DOCK5: variants seen among roughly 807,000 people sequenced by gnomAD.
DOCK5 encodes dedicator of cytokinesis protein 5.
DOCK5 carries 142 observed loss-of-function variants against 251.8 expected under a neutral mutation model. The observed-to-expected ratio is 0.56, with a 90% CI of 0.49 to 0.65. The LOEUF (loss-of-function observed/expected upper bound fraction) is 0.65, where lower values mean the gene tolerates loss of function less well. Ranked by LOEUF, DOCK5 falls within the 30% of genes least tolerant of loss-of-function variation. DOCK5 has a pLI of 0.00. For missense variants in DOCK5, 2,111 were observed against 2,312.3 expected, an observed-to-expected ratio of 0.91 and a Z score of 1.79; for synonymous variants, 842 against 835.5, an observed-to-expected ratio of 1.01 and a Z score of -0.13.
intron 9 of DOCK5, among the ~76,000 whole-genome samples, 195 bp from the exon 10 acceptor site, chr8:25,302,130 A>G (rs1804781805): frequency 6.6e-6 from 1 of 152,226 alleles, no homozygotes; most frequent in South Asian, 2.1e-4. Context: ...GCACTTGTTT[A>G]CAAGCACAAA....
chr8:25,343,310 CACTTG>C (rs1800289282), intron 25 of DOCK5, among the ~76,000 whole-genome samples: 1 of 152,162 alleles, frequency 6.6e-6, no homozygotes, highest in Non-Finnish European at 1.5e-5. Context: ...GCCCAGTCAG[CACTTG>C]ACTTTTCTTT....
At chr8:25,222,440 G>A (rs967195330) in intron 1 of DOCK5, among the ~76,000 whole-genome samples, 15 of 152,206 alleles carry the variant, frequency 9.9e-5, no homozygotes, top group African/African-American at 3.1e-4. Flanking sequence ...GGCCTGAACC[G>A]GCCCCTGACT....
intron 46 of DOCK5, 68 bp downstream of exon 46, chr8:25,400,062 C>T (rs1235458824): frequency 3.1e-6 from 4 of 1,295,072 alleles, no homozygotes; most frequent in Middle Eastern, 1.8e-4. Context: ...TTCTCCAGGG[C>T]TTAAGTCTAC....
At chr8:25,195,694 G>T (rs1200059070) in intron 1 of DOCK5, among the ~76,000 whole-genome samples, 1 of 152,194 alleles carries the variant, frequency 6.6e-6, no homozygotes, top group Non-Finnish European at 1.5e-5. Flanking sequence ...CCTGCTTAGA[G>T]AGAGCCTTCT....
At chr8:25,342,554 A>G (rs1387103002) in intron 25 of DOCK5, 47 bp downstream of exon 25, 8 of 1,344,028 alleles carry the variant, frequency 6.0e-6, no homozygotes, top group African/African-American at 1.5e-5. Flanking sequence ...GTGAGCTGAG[A>G]TTGCACCATT....
intron 7 of DOCK5, among the ~76,000 whole-genome samples, chr8:25,297,270 AT>A (rs1311282663): frequency 5.5e-3 from 626 of 113,042 alleles, no homozygotes; most frequent in Middle Eastern, 0.021. Context: ...AATTTTTGTA[AT>A]TTTTTTTTTT....
At chr8:25,371,709 C>A (rs1265994840) in intron 34 of DOCK5, among the ~76,000 whole-genome samples, 1 of 152,168 alleles carries the variant, frequency 6.6e-6, no homozygotes. Flanking sequence ...ACATGATATG[C>A]TACTTTTTTA....
chr8:25,410,994 C>T (rs1337432992), intron 51 of DOCK5, among the ~76,000 whole-genome samples, 200 bp from the exon 52 acceptor site: 3 of 58,526 alleles, frequency 5.1e-5, no homozygotes, highest in Admixed American at 1.8e-4. Context: ...CACGCACGCA[C>T]GCACGCACGC....
rs1469907315 is a variant in DOCK5, at chr8:25,184,786, A to C, written c.-123A>C. On this transcript the variant is annotated 5_prime_UTR_variant, in exon 1 of 52. Transcript: ENST00000276440. ...GGCGAGGAGGCGGCCCGCGGAGTCCAGCGAAGTTTGGCGGAACATGGCGGA... is the reference window on the plus strand; with the variant it reads ...GGCGAGGAGGCGGCCCGCGGAGTCCCGCGAAGTTTGGCGGAACATGGCGGA... The C allele has an allele frequency of 1.4e-5, 13 of 954,994 alleles. No individual in the cohort carries two copies. Among genetic ancestry groups the C allele is most frequent in the African/African-American group, 5.2e-5 (3 of 58,126 alleles). 59.2% of individuals were successfully genotyped at this position (954,994 alleles called of 1,614,324 possible). A position where few individuals can be genotyped will look rare whatever the true frequency, so the allele number is the denominator to read the frequency against.
intron 41 of DOCK5, among the ~76,000 whole-genome samples, chr8:25,389,491 G>A (rs1038946869): frequency 3.3e-5 from 5 of 152,204 alleles, no homozygotes; most frequent in Non-Finnish European, 5.9e-5. Context: ...GGGAGCTTAA[G>A]TGGAATATAT....
chr8:25,294,814 C>T (rs1804577394), intron 6 of DOCK5, among the ~76,000 whole-genome samples: 4 of 152,132 alleles, frequency 2.6e-5, no homozygotes, highest in Admixed American at 2.6e-4. Flanking sequence ...ACAATCATGG[C>T]AGAAGGGGAA....
At chr8:25,323,408 A>G (rs1027336427) in intron 16 of DOCK5, among the ~76,000 whole-genome samples, 8 of 152,218 alleles carry the variant, frequency 5.3e-5, no homozygotes, top group African/African-American at 1.9e-4. Context: ...ACCTCATTCC[A>G]ACATAGAGAA....
At chr8:25,244,965 A>G (rs1222947805) in intron 2 of DOCK5, among the ~76,000 whole-genome samples, 1 of 152,202 alleles carries the variant, frequency 6.6e-6, no homozygotes, top group Non-Finnish European at 1.5e-5. Context: ...CAGCCAAAGC[A>G]TCAATTCAAA....
chr8:25,224,973 C>T (rs192768158), intron 1 of DOCK5, among the ~76,000 whole-genome samples: 257 of 152,184 alleles, frequency 1.7e-3, no homozygotes, highest in Non-Finnish European at 3.0e-3. Flanking sequence ...TAAATGGCCA[C>T]GAGCATATGA....
chr8:25,260,901 T>A (rs531543617), intron 2 of DOCK5, among the ~76,000 whole-genome samples: 7 of 152,040 alleles, frequency 4.6e-5, no homozygotes, highest in African/African-American at 1.2e-4. Context: ...GCTCAAGAGA[T>A]CCTCTGACCT....
At chr8:25,232,614 G>A (rs1802699332) in intron 1 of DOCK5, among the ~76,000 whole-genome samples, 1 of 152,048 alleles carries the variant, frequency 6.6e-6, no homozygotes, top group Non-Finnish European at 1.5e-5. Context: ...TCCTTGCATG[G>A]TACAAAAAGG....
rs551315048 is a variant in DOCK5, at chr8:25,415,700, A to G, written c.*4402A>G. ...TTTATTTTTTAAATTAAAAATGGAA[A>G]TGTATTTTAAAGTTTATTGTGTGTT... is the stretch of plus-strand genomic sequence containing the variant. On this transcript the variant is annotated 3_prime_UTR_variant, in exon 52 of 52. Transcript: ENST00000276440. 9.8e-5 allele frequency: 15 copies of G among 152,338 alleles called. No individual in the cohort carries two copies. The highest frequency in any genetic ancestry group is 1.3e-4 in the Non-Finnish European group (9 of 68,030). 9.4% of individuals were successfully genotyped at this position (152,338 alleles called of 1,614,324 possible).
chr8:25,370,844 A>G (rs6993247), intron 34 of DOCK5, among the ~76,000 whole-genome samples: 70,266 of 151,294 alleles, frequency 0.46, 16,484 homozygotes, highest in Middle Eastern at 0.55. Flanking sequence ...GGGTCTTGCT[A>G]TGTTGCCCAG....
Position 25,341,771 on chromosome 8 carries a change from T to C in DOCK5, c.2472T>C (p.Ile824=), listed in dbSNP as rs1210400759. The C allele has an allele frequency of 6.3e-7, 1 of 1,578,504 alleles. No homozygotes were observed. Among genetic ancestry groups the C allele is most frequent in the Non-Finnish European group, 8.6e-7 (1 of 1,160,384 alleles). ...CTTTGAAGTACCTTCCTAGCATAAT[T>C]AATGATGTCAAACTTGTATTTGATC... ...GAALKYLPSI[I]NDVKLVFDPV... The change falls in exon 24 of 52, where the codon ATT becomes ATC. Residue 824 remains isoleucine (I), a synonymous_variant. Transcript: ENST00000276440.
Sources: allele counts gnomAD v4.1 joint callset (sites outside exome capture counted in the v4.1 genomes callset), GRCh38; gene constraint gnomAD v4.1.1; transcripts MANE v1.5; gene names NCBI Gene and HGNC (gene_info 2026-07-23, HGNC 2026-07-21).